Variants in BRD3 observed in about 807,000 individuals in gnomAD.
BRD3 encodes the protein bromodomain-containing protein 3.
In BRD3, 17 loss-of-function variants were observed where a neutral mutation model predicts 66.8. The observed-to-expected ratio is 0.25, with a 90% confidence interval of 0.17 to 0.38. The LOEUF (loss-of-function observed/expected upper bound fraction) is 0.38. BRD3 is among the 10% of genes least tolerant of loss of function. The pLI is 1.00. For synonymous variants in BRD3, 421 were observed against 393.2 expected (o/e 1.07, Z -0.84); for missense variants, 713 against 956.1 (o/e 0.75, Z 3.35).
intron 8 of BRD3, among the ~76,000 whole-genome samples, 187 bp from the exon 9 acceptor site, chr9:134,040,456 C>A (rs1309361927): frequency 6.6e-6 from 1 of 152,180 alleles, no homozygotes; most frequent in Non-Finnish European, 1.5e-5. Context: ...AGTCATGAGC[C>A]CTCTCCGCCT....
chr9:134,041,817 T>C lies in BRD3; in HGVS notation c.1350A>G (p.Ser450=), dbSNP rs775091352. ...GCTCCTCCTCCGAGTCCGAGCTGCC[T>C]GAGTCCGAAGAGCTCTCCTCACTGC... ...SRSSEESSSD[S]GSSDSEEERA... Residue 450 remains serine (S), a synonymous_variant, in exon 8 of 12, where the codon TCA becomes TCG. Coordinates refer to ENST00000303407, the MANE Select transcript of BRD3 (RefSeq NM_007371.4). The C allele has an allele frequency of 6.2e-6, 10 of 1,612,804 alleles. No homozygotes were observed. The highest frequency in any genetic ancestry group is 1.7e-4 in the Middle Eastern group (1 of 5,968).
chr9:134,043,613 C>CCATG (rs1375243357), intron 7 of BRD3, among the ~76,000 whole-genome samples: 6 of 152,224 alleles, frequency 3.9e-5, no homozygotes, highest in Non-Finnish European at 8.8e-5. Context: ...GCCTTGAAGG[C>CCATG]CATGCAGGTC....
rs1174192455 is a variant in BRD3 at position 134,033,751 on chromosome 9, G to C, written c.2066-46C>G. The C allele has an allele frequency of 1.5e-6, 1 of 685,650 alleles. No individual in the cohort carries two copies. Among genetic ancestry groups the C allele is most frequent in the Non-Finnish European group, 2.7e-6 (1 of 372,768 alleles). 42.5% of individuals were successfully genotyped at this position (685,650 alleles called of 1,614,324 possible). On this transcript the variant is annotated intron_variant, in intron 11 of 11. Transcript: ENST00000303407. This position sits in a 1 kb window ranked among gnomAD's most constrained non-coding sequence, Gnocchi z 5.1. ...AGATGCGCTCGCACACCCGCTTCTT[G>C]ACCCGCTTGGCGGCATGTCGTCCAT...
At chr9:134,037,109 T>G (rs1033521628) in intron 9 of BRD3, among the ~76,000 whole-genome samples, 4 of 152,126 alleles carry the variant, frequency 2.6e-5, no homozygotes, top group Non-Finnish European at 5.9e-5. Flanking sequence ...AGACCCCACT[T>G]ACATAGTGTC....
At chr9:134,049,770 A>G (rs555981780) in intron 5 of BRD3, among the ~76,000 whole-genome samples, 1 of 152,344 alleles carries the variant, frequency 6.6e-6, no homozygotes, top group East Asian at 1.9e-4. Context: ...GTGAGGATCA[A>G]ATCGAAGAAG....
At chr9:134,050,973 C>T (rs1299399359) in intron 4 of BRD3, among the ~76,000 whole-genome samples, 1 of 152,220 alleles carries the variant, frequency 6.6e-6, no homozygotes, top group Non-Finnish European at 1.5e-5. Context: ...CCAGCTTCTC[C>T]CATCTGCAAC....
chr9:134,064,686 C>A (rs778234012), intron 1 of BRD3, among the ~76,000 whole-genome samples: 1 of 152,134 alleles, frequency 6.6e-6, no homozygotes, highest in Admixed American at 6.5e-5. Flanking sequence ...CATGGTGAAA[C>A]GCCATCTCTA....
At chr9:134,062,627 C>G (rs573466057) in intron 1 of BRD3, among the ~76,000 whole-genome samples, 1 of 152,334 alleles carries the variant, frequency 6.6e-6, no homozygotes, top group East Asian at 1.9e-4. Flanking sequence ...CCTCTCTACC[C>G]ACTCCTCGAA....
intron 1 of BRD3, among the ~76,000 whole-genome samples, chr9:134,065,464 G>A (rs11792729): frequency 0.35 from 53,015 of 150,568 alleles, 9,841 homozygotes; most frequent in Middle Eastern, 0.53. Flanking sequence ...AACCTGCCTA[G>A]GACAGGAACC....
intron 1 of BRD3, among the ~76,000 whole-genome samples, chr9:134,063,933 T>G (rs1002568564): frequency 6.6e-6 from 1 of 152,058 alleles, no homozygotes; most frequent in African/African-American, 2.4e-5. Context: ...GATTAACTTC[T>G]GACGAACTCA....
Position 134,045,163 on chromosome 9 carries a change from G to T in BRD3, c.1215+130C>A. The T allele has an allele frequency of 2.3e-6, 3 of 1,305,826 alleles. No homozygotes were observed. The highest frequency in any genetic ancestry group is 3.1e-6 in the Non-Finnish European group (3 of 966,252). 80.9% of individuals were successfully genotyped at this position (1,305,826 alleles called of 1,614,324 possible). ...GACCTGGTTGGCACTCGGGAAAAAG[G>T]TGTTGAGGGAATGAGGCTCTCTAAG... is the stretch of plus-strand genomic sequence containing the variant. On this transcript the variant is annotated intron_variant, in intron 7 of 11. Coordinates refer to ENST00000303407, the MANE Select transcript of BRD3 (RefSeq NM_007371.4). The surrounding 1 kb of genome is among the most constrained non-coding windows in gnomAD (Gnocchi z 4.8).
At chr9:134,047,930 G>C in intron 6 of BRD3, 153 bp downstream of exon 6, 1 of 1,098,476 alleles carries the variant, frequency 9.1e-7, no homozygotes, top group Non-Finnish European at 1.2e-6. Context: ...GCCAGCCACA[G>C]CCGGCGCTGC....
Position 134,032,170 on chromosome 9 carries a change from G to A in BRD3, c.*1420C>T, listed in dbSNP as rs1448827098. 1 of 216,622 alleles carries A rather than the reference G, an allele frequency of 4.6e-6. No individual in the cohort carries two copies. 13.4% of individuals were successfully genotyped at this position (216,622 alleles called of 1,614,324 possible). On this transcript the variant is annotated 3_prime_UTR_variant, in exon 12 of 12. Coordinates refer to ENST00000303407, the MANE Select transcript of BRD3 (RefSeq NM_007371.4). ...TCAAAGACCATATGGCAGCCTCTGG[G>A]AAAACAAAACCAAAACATCACCTTC...
At chr9:134,062,158 C>A (rs1227722130) in intron 1 of BRD3, among the ~76,000 whole-genome samples, 1 of 152,120 alleles carries the variant, frequency 6.6e-6, no homozygotes, top group Non-Finnish European at 1.5e-5. Context: ...GCATCGTGGG[C>A]CCCACCCAAG....
chr9:134,039,965 G>A (rs1220492403), intron 9 of BRD3, 69 bp downstream of exon 9: 1 of 1,522,316 alleles, frequency 6.6e-7, no homozygotes, highest in East Asian at 2.4e-5. Flanking sequence ...TCCCAGCACT[G>A]CTGCTACATG....
intron 7 of BRD3, among the ~76,000 whole-genome samples, chr9:134,042,708 TATACACATATATACACATATATATAC>T: frequency 1.1e-5 from 1 of 87,188 alleles, no homozygotes; most frequent in Non-Finnish European, 2.8e-5. Flanking sequence ...CACACATATA[TATACACATATATACACATATATATAC>T]ACACATATAT....
Position 134,048,302 on chromosome 9 carries a change from G to C in BRD3, c.867C>G (p.Pro289=), listed in dbSNP as rs1830218955. The change falls in exon 6 of 12, where the codon CCC becomes CCG. Residue 289 remains proline, a synonymous_variant. Coordinates refer to ENST00000303407, the MANE Select transcript of BRD3 (RefSeq NM_007371.4). ...CCTCGCCGTCCTCCAGGTCCTTCTTGGGAGGCTTGATGGGGCGGCCACCAC... is the reference window on the plus strand; with the variant it reads ...CCTCGCCGTCCTCCAGGTCCTTCTTCGGAGGCTTGATGGGGCGGCCACCAC... The part of the protein sequence containing the change: ...RESGGRPIKP[P]KKDLEDGEVP... The C allele has an allele frequency of 6.2e-7, 1 of 1,603,446 alleles. No individual in the cohort carries two copies. The highest frequency in any genetic ancestry group is 2.2e-5 in the East Asian group (1 of 44,826).
intron 1 of BRD3, chr9:134,057,672 G>T (rs566211289): frequency 2.6e-5 from 4 of 152,236 alleles, no homozygotes; most frequent in Admixed American, 2.0e-4. Context: ...TCAGCAGTCG[G>T]CAGTGGAGGC....
At chr9:134,047,441 G>A (rs1052481981) in intron 6 of BRD3, among the ~76,000 whole-genome samples, 1 of 152,178 alleles carries the variant, frequency 6.6e-6, no homozygotes, top group Admixed American at 6.5e-5. Context: ...CCCTGGCTTG[G>A]GGCGGTGCAG....
Sources: allele counts gnomAD v4.1 joint callset (sites outside exome capture counted in the v4.1 genomes callset), GRCh38; gene constraint gnomAD v4.1.1; non-coding constraint Gnocchi (gnomAD v3.1); transcripts MANE v1.5; gene names NCBI Gene and HGNC (gene_info 2026-07-23, HGNC 2026-07-21).